FAM168A: variants seen among roughly 807,000 people sequenced by gnomAD.
FAM168A encodes the protein protein FAM168A.
FAM168A carries 3 observed loss-of-function variants against 28.5 expected under a neutral mutation model. The observed-to-expected ratio is 0.11, with a 90% confidence interval of 0.05 to 0.27. FAM168A has a LOEUF of 0.27. Among genes scored for constraint, FAM168A ranks in the 10% least tolerant of loss-of-function variants. The pLI is 1.00. For missense variants in FAM168A, 222 were observed against 311.5 expected (o/e 0.71, Z 2.16); for synonymous variants, 122 against 124.2 (o/e 0.98, Z 0.12).
chr11:73,507,614 T>TA (rs139253085), intron 1 of FAM168A, among the ~76,000 whole-genome samples: 4,493 of 151,004 alleles, frequency 0.03, 217 homozygotes, highest in African/African-American at 0.1. Flanking sequence ...ATCTTGAACC[T>TA]AAAAAAAAAG....
intron 1 of FAM168A, among the ~76,000 whole-genome samples, chr11:73,472,349 C>T (rs1384905344): frequency 6.6e-6 from 1 of 152,166 alleles, no homozygotes; most frequent in Admixed American, 6.5e-5. Context: ...AATACAAATG[C>T]CCCCAAAGTA....
intron 1 of FAM168A, among the ~76,000 whole-genome samples, chr11:73,519,377 T>C (rs541777315): frequency 6.6e-6 from 1 of 152,314 alleles, no homozygotes; most frequent in Admixed American, 6.5e-5. Context: ...AGACATTGTG[T>C]TAGGCACTGA....
chr11:73,455,092 C>T (rs1334681117), intron 2 of FAM168A, among the ~76,000 whole-genome samples: 2 of 152,234 alleles, frequency 1.3e-5, no homozygotes. Context: ...TAAAAGAGCA[C>T]TGTAACACGC....
At chr11:73,566,750 G>A (rs1397407647) in intron 1 of FAM168A, among the ~76,000 whole-genome samples, 2 of 152,152 alleles carry the variant, frequency 1.3e-5, no homozygotes, top group African/African-American at 4.8e-5. Context: ...AATATTGAAT[G>A]CTAATGATAA....
chr11:73,543,302 T>C (rs956978425), intron 1 of FAM168A, among the ~76,000 whole-genome samples: 10 of 150,150 alleles, frequency 6.7e-5, no homozygotes, highest in Non-Finnish European at 1.2e-4. Context: ...CTTGCTCTGT[T>C]GCCCAGGCTG....
At chr11:73,434,471 T>G (rs552239768) in intron 2 of FAM168A, among the ~76,000 whole-genome samples, 2 of 152,148 alleles carry the variant, frequency 1.3e-5, no homozygotes, top group African/African-American at 4.8e-5. Context: ...AAGGAAATGA[T>G]AGTGTTAAGC....
In FAM168A at chr11:73,424,975, A is replaced by T. The variant is rs866774091; in HGVS notation, c.152-4976T>A. 17 of 1,452,048 alleles carry T rather than the reference A, an allele frequency of 1.2e-5. No individual in the cohort carries two copies. The Middle Eastern group carries it at 3.0e-3, about 254-fold the overall frequency. 89.9% of individuals were successfully genotyped at this position (1,452,048 alleles called of 1,614,324 possible). ...GGGGATCTACCATTGTTACGAGAGA[A>T]CACATTCATAGGCTGTAATACAGAT... On this transcript the variant is annotated intron_variant, in intron 3 of 7. Transcript: ENST00000356467.
At chr11:73,486,815 T>C (rs1868059303) in intron 1 of FAM168A, among the ~76,000 whole-genome samples, 1 of 152,224 alleles carries the variant, frequency 6.6e-6, no homozygotes, top group African/African-American at 2.4e-5. Context: ...TATCAATGTT[T>C]GAATAAAGAT....
chr11:73,401,270 T>TA lies in FAM168A; in HGVS notation c.*5492dup, dbSNP rs1394331833. On this transcript the variant is annotated 3_prime_UTR_variant, in exon 8 of 8. Transcript: ENST00000356467. ...GAGAACAGGTTTCTCTGTCATGTGA[T>TA]ATGAAACAGGGAAGCAGATGCCTTT... is the stretch of plus-strand genomic sequence containing the variant. The TA allele has an allele frequency of 2.0e-5, 3 of 152,210 alleles. No individual in the cohort carries two copies. Among genetic ancestry groups the TA allele is most frequent in the Non-Finnish European group, 4.4e-5 (3 of 68,028 alleles). The allele number at this position is 152,210 out of a possible 1,614,324, so 9.4% of individuals were successfully genotyped here.
At chr11:73,548,241 C>T (rs1361313612) in intron 1 of FAM168A, among the ~76,000 whole-genome samples, 2 of 151,786 alleles carry the variant, frequency 1.3e-5, no homozygotes, top group East Asian at 3.9e-4. Flanking sequence ...TTTTTCATCA[C>T]AATTTATAAA....
At chr11:73,581,298 G>A (rs1329683818) in intron 1 of FAM168A, among the ~76,000 whole-genome samples, 1 of 152,226 alleles carries the variant, frequency 6.6e-6, no homozygotes, top group East Asian at 1.9e-4. Context: ...TTTACGGACA[G>A]TATCTTTAAT....
At chr11:73,468,798 G>A (rs1867774247) in intron 1 of FAM168A, among the ~76,000 whole-genome samples, 1 of 152,222 alleles carries the variant, frequency 6.6e-6, no homozygotes, top group Non-Finnish European at 1.5e-5. Flanking sequence ...AGAGTACTAT[G>A]TGGCATTGGC....
chr11:73,513,441 C>G (rs1220138348), intron 1 of FAM168A, among the ~76,000 whole-genome samples: 1 of 150,674 alleles, frequency 6.6e-6, no homozygotes, highest in Non-Finnish European at 1.5e-5. Flanking sequence ...TGGTCTCGAT[C>G]TCCTGACCTT....
chr11:73,566,654 A>C (rs1259138387), intron 1 of FAM168A, among the ~76,000 whole-genome samples: 1 of 152,260 alleles, frequency 6.6e-6, no homozygotes, highest in Non-Finnish European at 1.5e-5. Context: ...ATGATAAGAA[A>C]AACACAAGAT....
chr11:73,515,247 C>T (rs993332497), intron 1 of FAM168A, among the ~76,000 whole-genome samples: 2 of 152,128 alleles, frequency 1.3e-5, no homozygotes, highest in Non-Finnish European at 2.9e-5. Context: ...CAGTGGCTCA[C>T]GCCTGTAAGC....
At chr11:73,492,303 A>G (rs578220155) in intron 1 of FAM168A, among the ~76,000 whole-genome samples, 39 of 152,348 alleles carry the variant, frequency 2.6e-4, no homozygotes, top group African/African-American at 9.4e-4. Flanking sequence ...CACATCCTGA[A>G]AAAATAAGCA....
chr11:73,533,094 T>A (rs920234897), intron 1 of FAM168A, among the ~76,000 whole-genome samples: 1 of 152,216 alleles, frequency 6.6e-6, no homozygotes, highest in African/African-American at 2.4e-5. Context: ...AACCTGAGAT[T>A]AGTCCCAGCT....
chr11:73,578,130 T>C (rs1944197418), intron 1 of FAM168A, among the ~76,000 whole-genome samples: 1 of 152,196 alleles, frequency 6.6e-6, no homozygotes, highest in Non-Finnish European at 1.5e-5. Context: ...TTAATCCTAA[T>C]CTTCTCCAAT....
At chr11:73,551,014 G>C (rs950989343) in intron 1 of FAM168A, among the ~76,000 whole-genome samples, 2 of 151,982 alleles carry the variant, frequency 1.3e-5, no homozygotes, top group African/African-American at 4.8e-5. Context: ...GGGAGGCTGA[G>C]GCGGAAGAAT....
Sources: gnomAD v4.1 joint callset for allele counts (sites outside exome capture counted in the v4.1 genomes callset) on GRCh38, gnomAD v4.1.1 for gene constraint, MANE v1.5 for transcripts, NCBI Gene and HGNC (gene_info 2026-07-23, HGNC 2026-07-21) for gene names.